Variants in ARPC1B observed in about 807,000 individuals in gnomAD.
ARPC1B encodes actin-related protein 2/3 complex subunit 1B.
In ARPC1B, 29 loss-of-function variants were observed where a neutral mutation model predicts 46.0. That is an observed-to-expected ratio of 0.63 (90% CI 0.47 to 0.86). The LOEUF (loss-of-function observed/expected upper bound fraction) is 0.86. Ranked by LOEUF, ARPC1B falls within the 40% of genes least tolerant of loss-of-function variation. The pLI, the probability that ARPC1B is intolerant of heterozygous loss-of-function variation, is 0.00. For missense variants in ARPC1B, 469 were observed against 529.4 expected, an observed-to-expected ratio of 0.89 and a Z score of 1.12; for synonymous variants, 201 against 213.9, an observed-to-expected ratio of 0.94 and a Z score of 0.53.
chr7:99,382,625 C>T lies in ARPC1B; in HGVS notation c.-13-3077C>T, dbSNP rs79267392. Among the ~76,000 whole-genome samples the T allele has an allele frequency of 3.9e-5, 6 of 151,944 alleles. No homozygotes were observed. The East Asian group carries it at 1.2e-3, about 29-fold the overall frequency. On this transcript the variant is annotated intron_variant, in intron 1 of 9. Transcript: ENST00000646101. ...CTAAGAATACAGATGTGCACCACCACACCTGCAAATTTTTTTATTTAAATT... is the reference window on the plus strand; with the variant it reads ...CTAAGAATACAGATGTGCACCACCATACCTGCAAATTTTTTTATTTAAATT...
intron 1 of ARPC1B, among the ~76,000 whole-genome samples, chr7:99,384,729 G>T (rs567957450): frequency 6.6e-6 from 1 of 152,110 alleles, no homozygotes; most frequent in Non-Finnish European, 1.5e-5. Context: ...TCAGCCATGA[G>T]CCCCTGCAGA....
rs773979066 is a variant in ARPC1B, at chr7:99,394,505, T to C, written c.*16T>C. 3 of 1,614,066 alleles carry C rather than the reference T, an allele frequency of 1.9e-6. No individual in the cohort carries two copies. In the East Asian group the frequency reaches 6.7e-5, roughly 36 times the overall value. ...GATCAAATGACCTGTGAGGAATATG[T>C]TGCCTTCATCCTAGCTGCTGGGGAA... On this transcript the variant is annotated 3_prime_UTR_variant, in exon 10 of 10. Coordinates refer to ENST00000646101, the MANE Select transcript of ARPC1B (RefSeq NM_005720.4).
At chr7:99,392,237 G>A (rs763277420) in intron 7 of ARPC1B, 2 of 170,430 alleles carry the variant, frequency 1.2e-5, no homozygotes, top group Admixed American at 6.2e-5. Context: ...TGCAAAGGGC[G>A]AGAGTTCGGG....
At chr7:99,386,493 G>A in intron 2 of ARPC1B, 192 bp from the exon 3 acceptor site, 2 of 682,832 alleles carry the variant, frequency 2.9e-6, no homozygotes, top group Non-Finnish European at 5.4e-6. Flanking sequence ...GCGAGTAAAG[G>A]ACAGCCAGTT....
In ARPC1B at chr7:99,394,459, G is replaced by C; in HGVS notation, c.1089G>C (p.Glu363Asp). The C allele has an allele frequency of 6.2e-6, 10 of 1,614,056 alleles. No individual in the cohort carries two copies. The highest frequency in any genetic ancestry group is 7.6e-6 in the Non-Finnish European group (9 of 1,179,978). ...GMSIWDVKSL[E>D]SALKDLKIK is the part of the protein sequence containing the mutation. ...GTTCTGCCTCCCTGCAGAGCTTGGA[G>C]TCAGCCTTGAAGGACCTCAAGATCA... Residue 363 changes from glutamate to aspartate, a missense_variant, in exon 10 of 10, where the codon GAG becomes GAC. Coordinates refer to ENST00000646101, the MANE Select transcript of ARPC1B (RefSeq NM_005720.4).
At chr7:99,382,924 G>T (rs988951304) in intron 1 of ARPC1B, among the ~76,000 whole-genome samples, 1 of 141,286 alleles carries the variant, frequency 7.1e-6, no homozygotes, top group Non-Finnish European at 1.5e-5. Flanking sequence ...GGCTCACTGC[G>T]ACCTCTGCCT....
At chr7:99,374,297 C>T (rs1478706143), upstream of ARPC1B, 1 of 152,124 alleles carries the variant, frequency 6.6e-6, no homozygotes, top group Non-Finnish European at 1.5e-5. This position sits in a 1 kb window ranked among gnomAD's most constrained non-coding sequence, Gnocchi z 5.0. Flanking sequence ...AAGGGAGCTC[C>T]TCGCTGGCTG....
chr7:99,393,017 G>C, intron 8 of ARPC1B, 141 bp downstream of exon 8: 1 of 958,894 alleles, frequency 1.0e-6, no homozygotes, highest in Non-Finnish European at 1.5e-6. Context: ...GGGAGGGTAG[G>C]CGTGCCCTCA....
At chr7:99,384,005 G>C (rs1794303303) in intron 1 of ARPC1B, 1 of 152,308 alleles carries the variant, frequency 6.6e-6, no homozygotes, top group South Asian at 2.1e-4. Flanking sequence ...TGTGTCCCGG[G>C]GCATGTGGCT....
At position 99,388,028 on chromosome 7, in the gene ARPC1B, TC is replaced by T; in HGVS notation, c.170-5del. On this transcript the variant is annotated splice_polypyrimidine_tract_variant and intron_variant, in intron 3 of 9. Transcript: ENST00000646101. ...TCATCAGCCTCCTGTGTTCCCTCCA[TC>T]CCCCCACAGGCATCGACTGGGCCCC... 1.9e-6 allele frequency: 3 copies of T among 1,560,342 alleles called. No individual in the cohort carries two copies. The highest frequency in any genetic ancestry group is 2.3e-5 in the East Asian group (1 of 44,082).
chr7:99,394,206 C>T, intron 9 of ARPC1B, 87 bp downstream of exon 9: 3 of 1,425,294 alleles, frequency 2.1e-6, no homozygotes, highest in Non-Finnish European at 2.9e-6. Flanking sequence ...GACCCCCATC[C>T]TTCACTCCTG....
rs2301929 is a variant in ARPC1B, at chr7:99,388,325, G to A, written c.392+64G>A. The A allele has an allele frequency of 1.0e-4, 155 of 1,521,678 alleles. No homozygotes were observed. In the East Asian group the frequency reaches 2.8e-3, roughly 27 times the overall value. 94.3% of individuals were successfully genotyped at this position (1,521,678 alleles called of 1,614,324 possible). A position where few individuals can be genotyped will look rare whatever the true frequency, so the allele number is the denominator to read the frequency against. On this transcript the variant is annotated intron_variant, in intron 4 of 9. Coordinates refer to ENST00000646101, the MANE Select transcript of ARPC1B (RefSeq NM_005720.4). ...CCGGGGGCAGGACTAGAGTGTCCCC[G>A]GGAAGCACCAAATGGGATGTCAGGA...
At chr7:99,389,765 G>A in intron 4 of ARPC1B, 140 bp from the exon 5 acceptor site, 1 of 734,488 alleles carries the variant, frequency 1.4e-6, no homozygotes, top group Non-Finnish European at 2.3e-6. Flanking sequence ...GGCCTTGTGG[G>A]CTGGCAATGC....
chr7:99,389,812 G>C, intron 4 of ARPC1B, 93 bp from the exon 5 acceptor site: 1 of 1,060,360 alleles, frequency 9.4e-7, no homozygotes, highest in Non-Finnish European at 1.4e-6. Flanking sequence ...GTGGGCTGCA[G>C]GGAGCAGTGG....
In ARPC1B at chr7:99,394,453, C is replaced by A. The variant is rs1294234825; in HGVS notation, c.1083C>A (p.Ser361Arg). 6.2e-7 allele frequency: 1 copy of A among 1,613,754 alleles called. No homozygotes were observed. The highest frequency in any genetic ancestry group is 8.5e-7 in the Non-Finnish European group (1 of 1,179,850). The change falls in exon 10 of 10, where the codon AGC becomes AGA. Residue 361 changes from serine (S) to arginine (R), a missense_variant and splice_region_variant. By Grantham distance (110) the Ser-to-Arg change is moderately radical. Transcript: ENST00000646101. Reference sequence around the variant, plus strand: ...CTGTCCGTTCTGCCTCCCTGCAGAGCTTGGAGTCAGCCTTGAAGGACCTCA... The same window carrying A: ...CTGTCCGTTCTGCCTCCCTGCAGAGATTGGAGTCAGCCTTGAAGGACCTCA... The part of the protein sequence containing the change: ...DGGMSIWDVK[S>R]LESALKDLKI...
intron 1 of ARPC1B, among the ~76,000 whole-genome samples, chr7:99,376,994 A>G (rs901951210): frequency 6.6e-6 from 1 of 152,020 alleles, no homozygotes; most frequent in Non-Finnish European, 1.5e-5. Flanking sequence ...ATATGTCTGT[A>G]CATAATCCAT....
chr7:99,379,792 C>T (rs1377010342), intron 1 of ARPC1B, among the ~76,000 whole-genome samples: 3 of 149,466 alleles, frequency 2.0e-5, no homozygotes, highest in African/African-American at 7.6e-5. Context: ...CCTGGCACCA[C>T]CATGCCTGGC....
chr7:99,385,753 C>T lies in ARPC1B; in HGVS notation c.39C>T (p.Cys13=), dbSNP rs960643003. ...GCTTCCTGGTGGAGCCCATCAGCTG[C>T]CACGCCTGGAACAAGGACCGCACCC... The part of the protein sequence containing the change: ...YHSFLVEPIS[C]HAWNKDRTQI... The change falls in exon 2 of 10, where the codon TGC becomes TGT. Residue 13 remains cysteine (C), a synonymous_variant. Transcript: ENST00000646101. 6.2e-7 allele frequency: 1 copy of T among 1,611,014 alleles called. No homozygotes were observed. Among genetic ancestry groups the T allele is most frequent in the East Asian group, 2.2e-5 (1 of 44,820 alleles).
At chr7:99,392,932 G>GCGT in intron 8 of ARPC1B, 56 bp downstream of exon 8, 1 of 1,482,610 alleles carries the variant, frequency 6.7e-7, no homozygotes, top group Non-Finnish European at 9.0e-7. Flanking sequence ...CCCAGAAACA[G>GCGT]CGTCGGGTGA....
Sources: gnomAD v4.1 joint callset for allele counts (sites outside exome capture counted in the v4.1 genomes callset) on GRCh38, gnomAD v4.1.1 for gene constraint, Gnocchi (gnomAD v3.1) non-coding constraint, MANE v1.5 for transcripts, NCBI Gene and HGNC (gene_info 2026-07-23, HGNC 2026-07-21) for gene names.